CCDC171: variants seen among roughly 807,000 people sequenced by gnomAD.
CCDC171 encodes the protein coiled-coil domain containing 171, also known as coiled-coil domain-containing protein 171.
Under a neutral mutation model 168.2 loss-of-function variants are expected in CCDC171, and 177 were observed. The ratio of observed to expected loss-of-function variants is 1.05; its 90% CI spans 0.93 to 1.19. CCDC171 has a LOEUF of 1.19. CCDC171 is among the 50% of genes most tolerant of loss of function. The pLI is 0.00. For missense variants in CCDC171, 1,991 were observed against 1,539.0 expected (o/e 1.29, Z -4.91); for synonymous variants, 687 against 540.8 (o/e 1.27, Z -3.75).
At chr9:15,631,663 C>T (rs200211121) in intron 7 of CCDC171, among the ~76,000 whole-genome samples, 1 of 152,184 alleles carries the variant, frequency 6.6e-6, no homozygotes, top group Non-Finnish European at 1.5e-5. Flanking sequence ...CTCCCTAACT[C>T]ATTTTATGAG....
intron 24 of CCDC171, among the ~76,000 whole-genome samples, chr9:15,900,853 G>A (rs574400582): frequency 1.2e-3 from 175 of 152,160 alleles, no homozygotes; most frequent in Middle Eastern, 3.4e-3. Context: ...TGTTTCTGGG[G>A]ACAAACCCAG....
At position 15,846,773 on chromosome 9, in the gene CCDC171, C is replaced by G. The variant is rs765536781; in HGVS notation, c.3339C>G (p.Thr1113=). 1.9e-5 allele frequency: 31 copies of G among 1,612,474 alleles called. No individual in the cohort carries two copies. Among genetic ancestry groups the G allele is most frequent in the Non-Finnish European group, 2.5e-5 (30 of 1,179,302 alleles). The change falls in exon 22 of 26, where the codon ACC becomes ACG. Residue 1113 remains threonine (T), a synonymous_variant. Coordinates refer to ENST00000380701, the MANE Select transcript of CCDC171 (RefSeq NM_173550.4). ...TGCGTCAGCTCAATAGACATCTTACCCAGCTGGAGCAGGACAAGCGTCGAC... is the reference window on the plus strand; with the variant it reads ...TGCGTCAGCTCAATAGACATCTTACGCAGCTGGAGCAGGACAAGCGTCGAC... The part of the protein sequence containing the change: ...QSLRQLNRHL[T]QLEQDKRRLE...
intron 9 of CCDC171, among the ~76,000 whole-genome samples, chr9:15,668,401 T>G (rs1477263196): frequency 6.6e-6 from 1 of 152,190 alleles, no homozygotes; most frequent in African/African-American, 2.4e-5. Context: ...CTTGAAAATT[T>G]TTACTCAAAT....
At chr9:16,042,166 G>A (rs1465193788), upstream of CCDC171, among the ~76,000 whole-genome samples, 1 of 152,186 alleles carries the variant, frequency 6.6e-6, no homozygotes, top group Admixed American at 6.5e-5. Context: ...CAGCCTCTCT[G>A]GAATAGTAAG....
At chr9:15,558,023 T>C (rs1287511822) in intron 1 of CCDC171, among the ~76,000 whole-genome samples, 1 of 152,186 alleles carries the variant, frequency 6.6e-6, no homozygotes, top group Non-Finnish European at 1.5e-5. Flanking sequence ...TGGTTCTGTT[T>C]ATGTGATGGA....
chr9:15,729,656 G>A lies in CCDC171; in HGVS notation c.1907G>A (p.Arg636Lys). 3 of 1,613,180 alleles carry A rather than the reference G, an allele frequency of 1.9e-6. No individual in the cohort carries two copies. Among genetic ancestry groups the A allele is most frequent in the African/African-American group, 1.3e-5 (1 of 74,994 alleles). ...TGTAAAAACAAGTCTGACACGATGA[G>A]AGAGCTTCAGCAGACTCAGGAAGAC... is the stretch of plus-strand genomic sequence containing the variant. ...YICKNKSDTM[R>K]ELQQTQEDTF... Residue 636 changes from arginine (R) to lysine (K), a missense_variant, in exon 16 of 26, where the codon AGA becomes AAA. Coordinates refer to ENST00000380701, the MANE Select transcript of CCDC171 (RefSeq NM_173550.4).
At chr9:15,558,462 G>C (rs1361735600) in intron 1 of CCDC171, among the ~76,000 whole-genome samples, 1 of 152,074 alleles carries the variant, frequency 6.6e-6, no homozygotes, top group Non-Finnish European at 1.5e-5. Flanking sequence ...TTAGTCTTGG[G>C]TGGGTGTATG....
At chr9:15,959,702 G>A (rs4741552) in intron 25 of CCDC171, among the ~76,000 whole-genome samples, 45,562 of 151,894 alleles carry the variant, frequency 0.3, 8,612 homozygotes, top group East Asian at 0.61. Context: ...CTGGCAGTTG[G>A]AGAAGGACTA....
intron 25 of CCDC171, among the ~76,000 whole-genome samples, chr9:15,962,634 G>A (rs1164175451): frequency 6.6e-6 from 1 of 151,516 alleles, no homozygotes; most frequent in Non-Finnish European, 1.5e-5. Flanking sequence ...CCATTTATTT[G>A]TTACTTAGCT....
At chr9:15,839,034 C>T (rs1267874213) in intron 21 of CCDC171, among the ~76,000 whole-genome samples, 1 of 152,026 alleles carries the variant, frequency 6.6e-6, no homozygotes, top group Admixed American at 6.6e-5. Context: ...AAGCAACAGC[C>T]CAATGTGTCT....
chr9:15,666,686 A>G (rs546263797), intron 9 of CCDC171, among the ~76,000 whole-genome samples: 3 of 152,102 alleles, frequency 2.0e-5, no homozygotes, highest in African/African-American at 4.8e-5. Context: ...TTAGCCAAGT[A>G]TAGTGGTGTG....
intron 21 of CCDC171, among the ~76,000 whole-genome samples, chr9:15,793,549 A>AG (rs2058383515): frequency 1.8e-5 from 2 of 108,492 alleles, no homozygotes; most frequent in Non-Finnish European, 3.5e-5. Context: ...ACTTATTCCA[A>AG]GGTTTTTTTT....
intron 2 of CCDC171, among the ~76,000 whole-genome samples, chr9:15,568,083 G>A (rs1415674749): frequency 1.3e-5 from 2 of 151,866 alleles, no homozygotes; most frequent in Admixed American, 6.6e-5. Context: ...TATTGATCTT[G>A]TATTCTGTGA....
chr9:15,679,517 C>T (rs1275644572), intron 10 of CCDC171, among the ~76,000 whole-genome samples: 1 of 152,056 alleles, frequency 6.6e-6, no homozygotes, highest in Non-Finnish European at 1.5e-5. Context: ...CTTGCTTTAG[C>T]CATATTAGAG....
At chr9:15,563,103 T>C (rs2039446805) in intron 1 of CCDC171, among the ~76,000 whole-genome samples, 1 of 151,180 alleles carries the variant, frequency 6.6e-6, no homozygotes. Flanking sequence ...AATTGGAATC[T>C]TGGTTCTGTA....
At chr9:15,597,247 G>C (rs2042442601) in intron 6 of CCDC171, among the ~76,000 whole-genome samples, 1 of 152,074 alleles carries the variant, frequency 6.6e-6, no homozygotes. Context: ...AATGCTTCCA[G>C]TTTTTGCCCA....
chr9:15,856,798 A>G (rs1232863952), intron 23 of CCDC171, among the ~76,000 whole-genome samples: 2 of 152,116 alleles, frequency 1.3e-5, no homozygotes, highest in South Asian at 2.1e-4. Context: ...TTTCCAGAGC[A>G]TCTGCACCAC....
chr9:15,785,908 T>G (rs1470524560), intron 21 of CCDC171, among the ~76,000 whole-genome samples: 2 of 152,026 alleles, frequency 1.3e-5, no homozygotes, highest in African/African-American at 4.8e-5. Context: ...TTTGTTTAAA[T>G]TTAGAGACTT....
At chr9:15,796,892 C>T (rs982331373) in intron 21 of CCDC171, among the ~76,000 whole-genome samples, 1 of 152,152 alleles carries the variant, frequency 6.6e-6, no homozygotes, top group East Asian at 1.9e-4. Flanking sequence ...AGGGAGAAAC[C>T]AGTGGGTGAC....
Sources: gnomAD v4.1 joint callset for allele counts (sites outside exome capture counted in the v4.1 genomes callset) on GRCh38, gnomAD v4.1.1 for gene constraint, MANE v1.5 for transcripts, NCBI Gene and HGNC (gene_info 2026-07-23, HGNC 2026-07-21) for gene names.